Variants in SH3D19 observed in about 807,000 individuals in gnomAD.
SH3D19 encodes the protein SH3 domain containing 19, also known as SH3 domain-containing protein 19.
A neutral mutation model predicts 112.1 loss-of-function variants in SH3D19; 58 were observed. That is an observed-to-expected ratio of 0.52 (90% confidence interval 0.42 to 0.64). SH3D19 has a LOEUF of 0.64. SH3D19 is among the 30% of genes least tolerant of loss of function. SH3D19 has a pLI of 0.00. For synonymous variants in SH3D19, 391 were observed against 448.5 expected (o/e 0.87, Z 1.62); for missense variants, 1,090 against 1,263.4 (o/e 0.86, Z 2.08).
In SH3D19 at chr4:151,241,834, T is replaced by C. The variant is rs558473172; in HGVS notation, c.113-15748A>G. Among the ~76,000 whole-genome samples the C allele has an allele frequency of 1.1e-4, 16 of 152,128 alleles. No individual in the cohort carries two copies. In the East Asian group the frequency reaches 3.1e-3, roughly 29 times the overall value. On this transcript the variant is annotated intron_variant, in intron 1 of 19. Transcript: ENST00000604030. Reference sequence around the variant, plus strand: ...TAATACTTATAGAAGTATAAGACTATATGAATGAGAACTCTTAAGTATGTT... The same window carrying C: ...TAATACTTATAGAAGTATAAGACTACATGAATGAGAACTCTTAAGTATGTT...
chr4:151,318,724 T>C (rs1331136536), intron 1 of SH3D19, among the ~76,000 whole-genome samples: 2 of 152,174 alleles, frequency 1.3e-5, no homozygotes, highest in Admixed American at 6.5e-5. Flanking sequence ...CCCAATGCAA[T>C]AGGATTTACT....
rs1554061645 is a variant in SH3D19 at position 151,246,054 on chromosome 4, A to AAAGT, written c.113-19969_113-19968insACTT. Among the ~76,000 whole-genome samples, 55 of 151,000 alleles carry AAAGT rather than the reference A, an allele frequency of 3.6e-4. 1 individual carries two copies. The highest frequency in any genetic ancestry group is 1.3e-3 in the Admixed American group (20 of 15,218). On this transcript the variant is annotated intron_variant, in intron 1 of 19. Coordinates refer to ENST00000604030, the MANE Select transcript of SH3D19 (RefSeq NM_001378122.1). The stretch of plus-strand genomic sequence containing the variant: ...ATTGAAGACATACAAAAAAAAAAAA[A>AAAGT]AAGGCTGAAATATAAAGTATTTCCC...
chr4:151,218,878 G>A (rs867071582), intron 2 of SH3D19, among the ~76,000 whole-genome samples: 17 of 152,284 alleles, frequency 1.1e-4, no homozygotes, highest in African/African-American at 3.6e-4. Context: ...ATATGCAAAT[G>A]GACATGGCTG....
intron 7 of SH3D19, among the ~76,000 whole-genome samples, chr4:151,170,288 T>C (rs1758821653): frequency 1.3e-5 from 2 of 152,070 alleles, no homozygotes; most frequent in African/African-American, 4.8e-5. Context: ...TCCAATAAAA[T>C]AAATTCAATC....
At chr4:151,251,651 T>C (rs1316819061) in intron 1 of SH3D19, among the ~76,000 whole-genome samples, 1 of 152,158 alleles carries the variant, frequency 6.6e-6, no homozygotes, top group East Asian at 1.9e-4. Context: ...AAGTTAGTGA[T>C]TTCTCATTAT....
chr4:151,215,851 A>G (rs1200208111), intron 2 of SH3D19, among the ~76,000 whole-genome samples: 3 of 149,936 alleles, frequency 2.0e-5, no homozygotes, highest in African/African-American at 7.4e-5. Context: ...TTTTTGACGG[A>G]GTCTTGCTCT....
At chr4:151,283,318 A>G in intron 1 of SH3D19, 1 of 1,602,796 alleles carries the variant, frequency 6.2e-7, no homozygotes, top group Middle Eastern at 1.7e-4. Context: ...TTTTTTTTTA[A>G]ACATGAGATC....
At chr4:151,280,048 G>C (rs1774045932) in intron 1 of SH3D19, 1 of 715,312 alleles carries the variant, frequency 1.4e-6, no homozygotes, top group Non-Finnish European at 2.0e-6. Flanking sequence ...AATGAAAGTG[G>C]TAAAATAGGC....
chr4:151,188,207 A>G (rs900854781), intron 2 of SH3D19, among the ~76,000 whole-genome samples: 10 of 152,218 alleles, frequency 6.6e-5, no homozygotes, highest in African/African-American at 2.4e-4. Flanking sequence ...AAATTGACTA[A>G]GACAATACTA....
At chr4:151,319,751 G>GT (rs1730354776) in intron 1 of SH3D19, among the ~76,000 whole-genome samples, 1 of 152,166 alleles carries the variant, frequency 6.6e-6, no homozygotes, top group Non-Finnish European at 1.5e-5. Flanking sequence ...TCAGTTTGTT[G>GT]TAAGAATCCA....
intron 2 of SH3D19, among the ~76,000 whole-genome samples, chr4:151,221,028 C>A (rs1580239799): frequency 6.6e-6 from 1 of 152,174 alleles, no homozygotes; most frequent in Non-Finnish European, 1.5e-5. Context: ...ACAAAGTAAT[C>A]AAAAACCACC....
At chr4:151,272,552 T>C (rs1388690776) in intron 1 of SH3D19, among the ~76,000 whole-genome samples, 3 of 152,340 alleles carry the variant, frequency 2.0e-5, no homozygotes, top group East Asian at 3.9e-4. Flanking sequence ...AACACACTTA[T>C]GTCTCTTAAG....
At chr4:151,180,979 T>G (rs1003346694) in intron 3 of SH3D19, among the ~76,000 whole-genome samples, 2 of 148,592 alleles carry the variant, frequency 1.3e-5, no homozygotes, top group Non-Finnish European at 3.0e-5. Flanking sequence ...TTCACCGTGT[T>G]AGCCAGGATG....
intron 1 of SH3D19, among the ~76,000 whole-genome samples, chr4:151,236,651 T>G (rs1004507640): frequency 2.6e-5 from 4 of 152,048 alleles, no homozygotes; most frequent in African/African-American, 9.7e-5. Flanking sequence ...TGTGTCTAGC[T>G]AAAGGATTGT....
chr4:151,284,949 T>C (rs1278826980), intron 1 of SH3D19, among the ~76,000 whole-genome samples: 1 of 152,204 alleles, frequency 6.6e-6, no homozygotes, highest in Non-Finnish European at 1.5e-5. Context: ...GGCTCTCTCC[T>C]TTCTGGTATA....
intron 14 of SH3D19, among the ~76,000 whole-genome samples, chr4:151,136,360 C>T (rs746461621): frequency 1.8e-4 from 28 of 152,118 alleles, no homozygotes; most frequent in Non-Finnish European, 3.4e-4. Context: ...GTTGCCCAGG[C>T]TGGTCTTGAA....
At chr4:151,189,307 G>A (rs1311271555) in intron 2 of SH3D19, among the ~76,000 whole-genome samples, 1 of 151,978 alleles carries the variant, frequency 6.6e-6, no homozygotes. Context: ...TAGAGACAGG[G>A]TTTCACTGTG....
At chr4:151,200,735 A>G (rs1017979610) in intron 2 of SH3D19, among the ~76,000 whole-genome samples, 2 of 152,260 alleles carry the variant, frequency 1.3e-5, no homozygotes, top group African/African-American at 2.4e-5. Context: ...AAGAACAAAA[A>G]AACTGAGGAA....
At chr4:151,241,177 A>G (rs960570335) in intron 1 of SH3D19, among the ~76,000 whole-genome samples, 6 of 151,906 alleles carry the variant, frequency 3.9e-5, no homozygotes, top group Admixed American at 3.3e-4. Flanking sequence ...CTGTAGTCCC[A>G]GCTACTTGGG....
Sources: gnomAD v4.1 joint callset for allele counts (sites outside exome capture counted in the v4.1 genomes callset) on GRCh38, gnomAD v4.1.1 for gene constraint, MANE v1.5 for transcripts, NCBI Gene and HGNC (gene_info 2026-07-23, HGNC 2026-07-21) for gene names.